ESRRG: variants seen among roughly 807,000 people sequenced by gnomAD.
ESRRG encodes the protein estrogen-related receptor gamma.
A neutral mutation model predicts 44.0 loss-of-function variants in ESRRG; 13 were observed. The ratio of observed to expected loss-of-function variants is 0.30; its 90% CI spans 0.19 to 0.47. The LOEUF (loss-of-function observed/expected upper bound fraction) is 0.47, where lower values mean the gene tolerates loss of function less well. Ranked by LOEUF, ESRRG falls within the 20% of genes least tolerant of loss-of-function variation. ESRRG has a pLI of 1.00. For synonymous variants in ESRRG, 215 were observed against 214.6 expected, an observed-to-expected ratio of 1.00 and a Z score of -0.02; for missense variants, 395 against 580.6, an observed-to-expected ratio of 0.68 and a Z score of 3.29.
intron 1 of ESRRG, among the ~76,000 whole-genome samples, chr1:217,005,049 C>A (rs1423200120): frequency 6.6e-6 from 1 of 152,090 alleles, no homozygotes; most frequent in African/African-American, 2.4e-5. Flanking sequence ...GTGATTTGCA[C>A]AAGATAACTC....
chr1:216,690,907 T>C (rs1318208654), intron 1 of ESRRG, among the ~76,000 whole-genome samples: 1 of 152,210 alleles, frequency 6.6e-6, no homozygotes. Flanking sequence ...ACTTGAATGA[T>C]AAAATGCTTT....
intron 1 of ESRRG, among the ~76,000 whole-genome samples, chr1:216,960,797 C>T (rs1360747442): frequency 6.6e-6 from 1 of 152,028 alleles, no homozygotes; most frequent in Non-Finnish European, 1.5e-5. Context: ...CACTGTGTTA[C>T]CCAGGCAGGT....
chr1:216,561,552 C>T (rs2058739124), intron 5 of ESRRG, among the ~76,000 whole-genome samples: 1 of 152,120 alleles, frequency 6.6e-6, no homozygotes, highest in Admixed American at 6.6e-5. Flanking sequence ...TCTTTACTTT[C>T]TCCAGCCTTT....
chr1:216,796,259 CT>C (rs1158472386), intron 2 of ESRRG, among the ~76,000 whole-genome samples: 1 of 152,180 alleles, frequency 6.6e-6, no homozygotes, highest in African/African-American at 2.4e-5. Flanking sequence ...CATGTACACC[CT>C]TACCCCACTT....
At chr1:216,666,072 C>A (rs1251877100) in intron 2 of ESRRG, among the ~76,000 whole-genome samples, 1 of 152,120 alleles carries the variant, frequency 6.6e-6, no homozygotes, top group Non-Finnish European at 1.5e-5. Flanking sequence ...TGAACCCCAC[C>A]CAGCCATACC....
intron 3 of ESRRG, among the ~76,000 whole-genome samples, chr1:216,571,446 AAAAC>A (rs752721657): frequency 7.2e-5 from 11 of 152,164 alleles, no homozygotes; most frequent in East Asian, 1.9e-4. Context: ...GCCATCTCAA[AAAAC>A]AAACAAACAA....
At chr1:216,857,644 G>A (rs61125610) in intron 2 of ESRRG, among the ~76,000 whole-genome samples, 1,760 of 151,156 alleles carry the variant, frequency 0.012, 26 homozygotes, top group African/African-American at 0.04. Flanking sequence ...ATCTTCTCTG[G>A]GGACCATGCT....
chr1:216,618,304 C>G (rs1478369164), intron 3 of ESRRG, among the ~76,000 whole-genome samples: 1 of 152,188 alleles, frequency 6.6e-6, no homozygotes, highest in Admixed American at 6.5e-5. Context: ...TGCACTGATT[C>G]ATTCACACTG....
chr1:216,660,758 C>A (rs2072114950), intron 2 of ESRRG, among the ~76,000 whole-genome samples: 1 of 152,090 alleles, frequency 6.6e-6, no homozygotes, highest in Non-Finnish European at 1.5e-5. Flanking sequence ...GGTGTAAGGG[C>A]AGCTGTGGGA....
intron 2 of ESRRG, among the ~76,000 whole-genome samples, chr1:216,935,119 T>TC (rs2063924703): frequency 1.3e-5 from 2 of 152,326 alleles, no homozygotes; most frequent in Non-Finnish European, 2.9e-5. Flanking sequence ...CACTTCTGTG[T>TC]TCAGACGTGT....
chr1:216,828,079 G>A (rs939181562), intron 2 of ESRRG, among the ~76,000 whole-genome samples: 1 of 152,022 alleles, frequency 6.6e-6, no homozygotes, highest in Non-Finnish European at 1.5e-5. Flanking sequence ...ACTCTTTCCT[G>A]GTTGAAACTA....
chr1:216,512,893 G>A lies in ESRRG; in HGVS notation c.1133-5710C>T, dbSNP rs2043130530. Among the ~76,000 whole-genome samples the A allele has an allele frequency of 1.3e-5, 2 of 152,158 alleles. 1 individual carries two copies. The highest frequency in any genetic ancestry group is 4.1e-4 in the South Asian group (2 of 4,832). ...AAGAAGAAGGCAATGTTACCACTGA[G>A]GCAAAATGCTACTGCTGGCTTTAAA... On this transcript the variant is annotated intron_variant, in intron 6 of 6. Transcript: ENST00000408911.
intron 3 of ESRRG, among the ~76,000 whole-genome samples, chr1:216,582,536 G>A (rs1018251821): frequency 2.6e-5 from 4 of 152,102 alleles, no homozygotes; most frequent in African/African-American, 9.7e-5. Context: ...CTGCTCCCAG[G>A]TTCCAGCGAT....
Position 216,662,325 on chromosome 1 carries a change from A to C in ESRRG, c.473-11236T>G, listed in dbSNP as rs114902844. 8.5e-3 allele frequency among the ~76,000 whole-genome samples: 1,290 copies of C among 152,250 alleles called. 20 individuals carry two copies. Among genetic ancestry groups the C allele is most frequent in the African/African-American group, 0.029 (1,218 of 41,548 alleles). ...TCAAAAGGCACTTCGTGAGAAGCAA[A>C]AGCAAACAAACCAACCAAAGAGTAT... On this transcript the variant is annotated intron_variant, in intron 2 of 6. Coordinates refer to ENST00000408911, the MANE Select transcript of ESRRG (RefSeq NM_001438.4).
chr1:217,069,219 C>T (rs1263224959), intron 1 of ESRRG, among the ~76,000 whole-genome samples: 1 of 152,164 alleles, frequency 6.6e-6, no homozygotes. Context: ...TCCCAGTCTA[C>T]ATCTTTCTTC....
rs894942165 is a variant in ESRRG at position 216,505,191 on chromosome 1, G to A, written c.*1748C>T. ...CTACTAACACTGGTCCATTGGTATAGCATTTGATGGAGGTTACTGTTTATT... is the reference window on the plus strand; with the variant it reads ...CTACTAACACTGGTCCATTGGTATAACATTTGATGGAGGTTACTGTTTATT... On this transcript the variant is annotated 3_prime_UTR_variant, in exon 7 of 7. Coordinates refer to ENST00000408911, the MANE Select transcript of ESRRG (RefSeq NM_001438.4). 1.3e-5 allele frequency: 2 copies of A among 152,642 alleles called. No individual in the cohort carries two copies. Among genetic ancestry groups the A allele is most frequent in the South Asian group, 2.1e-4 (1 of 4,832 alleles). 9.5% of individuals were successfully genotyped at this position (152,642 alleles called of 1,614,324 possible).
intron 1 of ESRRG, among the ~76,000 whole-genome samples, chr1:216,973,564 T>G (rs899709887): frequency 6.6e-6 from 1 of 152,184 alleles, no homozygotes; most frequent in Non-Finnish European, 1.5e-5. Context: ...CAATGGCTCA[T>G]GCCTGTAATC....
At chr1:217,069,789 G>C (rs1475026476) in intron 1 of ESRRG, among the ~76,000 whole-genome samples, 1 of 152,148 alleles carries the variant, frequency 6.6e-6, no homozygotes, top group Non-Finnish European at 1.5e-5. Context: ...CATAGTGTCT[G>C]GTGGACTCCA....
chr1:217,123,823 A>C (rs570845616), intron 1 of ESRRG, among the ~76,000 whole-genome samples: 3 of 152,250 alleles, frequency 2.0e-5, no homozygotes, highest in Admixed American at 6.5e-5. Context: ...TATCTGGATG[A>C]TGGGTTGATA....
Sources: gnomAD v4.1 joint callset for allele counts (sites outside exome capture counted in the v4.1 genomes callset) on GRCh38, gnomAD v4.1.1 for gene constraint, MANE v1.5 for transcripts, NCBI Gene and HGNC (gene_info 2026-07-23, HGNC 2026-07-21) for gene names.